The following SLC16A9 variants were observed in gnomAD, a reference collection of about 807,000 sequenced individuals.
The protein encoded by SLC16A9 is monocarboxylate transporter 9.
In SLC16A9, 26 loss-of-function variants were observed where a neutral mutation model predicts 44.3. The ratio of observed to expected loss-of-function variants is 0.59; its 90% confidence interval spans 0.43 to 0.81. The LOEUF is 0.81. Among genes scored for constraint, SLC16A9 ranks in the 40% least tolerant of loss-of-function variants. The pLI is 0.00. For synonymous variants in SLC16A9, 230 were observed against 225.1 expected (o/e 1.02, Z -0.19); for missense variants, 559 against 595.8 (o/e 0.94, Z 0.64).
chr10:59,673,170 G>A (rs1839790307), intron 2 of SLC16A9, among the ~76,000 whole-genome samples: 1 of 152,136 alleles, frequency 6.6e-6, no homozygotes, highest in South Asian at 2.1e-4. Flanking sequence ...TAGGTAAAAT[G>A]GAGGTTCTGG....
rs543072724 is a variant in SLC16A9 at position 59,696,164 on chromosome 10, G to C, written c.-36-11837C>G. On this transcript the variant is annotated intron_variant, in intron 1 of 5. Transcript: ENST00000395348. ...TCCCTCTGATGCCCAGCCGAAGCTG[G>C]ACTGTGCTGCTGCCATCTTGGCTCA... Among the ~76,000 whole-genome samples the C allele has an allele frequency of 1.8e-3, 278 of 152,200 alleles. 2 individuals are homozygous for C. Among genetic ancestry groups the C allele is most frequent in the Middle Eastern group, 0.017 (5 of 294 alleles).
intron 2 of SLC16A9, among the ~76,000 whole-genome samples, chr10:59,683,019 A>C (rs1038257235): frequency 5.3e-5 from 8 of 152,194 alleles, no homozygotes; most frequent in Non-Finnish European, 1.0e-4. Context: ...TTTGAAAGAC[A>C]TCCCCTTTAC....
chr10:59,674,065 G>A (rs1402228026), intron 2 of SLC16A9, among the ~76,000 whole-genome samples: 2 of 152,230 alleles, frequency 1.3e-5, no homozygotes, highest in East Asian at 3.9e-4. Context: ...AACTTGCGGG[G>A]TATTGCTCAT....
intron 1 of SLC16A9, among the ~76,000 whole-genome samples, chr10:59,705,998 C>A (rs1215715299): frequency 6.6e-6 from 1 of 152,176 alleles, no homozygotes; most frequent in Non-Finnish European, 1.5e-5. Flanking sequence ...TATAAACACA[C>A]TAGACTTCCT....
At chr10:59,659,356 G>A (rs1839421337) in intron 4 of SLC16A9, among the ~76,000 whole-genome samples, 1 of 152,094 alleles carries the variant, frequency 6.6e-6, no homozygotes, top group South Asian at 2.1e-4. Flanking sequence ...CCTTAGGGAT[G>A]TTAATTTTCG....
At chr10:59,690,424 T>C (rs1017636604) in intron 1 of SLC16A9, among the ~76,000 whole-genome samples, 3 of 152,084 alleles carry the variant, frequency 2.0e-5, no homozygotes, top group East Asian at 1.9e-4. Context: ...TACAAGTGGA[T>C]GGATATTAAA....
intron 1 of SLC16A9, among the ~76,000 whole-genome samples, chr10:59,691,936 C>T (rs529630259): frequency 2.0e-4 from 31 of 152,296 alleles, no homozygotes; most frequent in African/African-American, 7.0e-4. Flanking sequence ...AAGTGATTTA[C>T]AAGTATTTAA....
intron 1 of SLC16A9, among the ~76,000 whole-genome samples, chr10:59,695,241 T>C (rs1240820124): frequency 6.6e-6 from 1 of 152,118 alleles, no homozygotes; most frequent in East Asian, 1.9e-4. Context: ...TTGATGGTAG[T>C]GATGGTTGTA....
chr10:59,655,439 C>T (rs1177965253), intron 4 of SLC16A9, among the ~76,000 whole-genome samples: 6 of 152,114 alleles, frequency 3.9e-5, no homozygotes, highest in South Asian at 2.1e-4. Flanking sequence ...TAGTATATTG[C>T]AGTTTAAGGA....
chr10:59,698,196 G>C (rs1840444368), intron 1 of SLC16A9, among the ~76,000 whole-genome samples: 1 of 152,090 alleles, frequency 6.6e-6, no homozygotes, highest in Non-Finnish European at 1.5e-5. Context: ...TAAATCTTTA[G>C]TTATTTCTTA....
At chr10:59,702,356 G>T (rs72815843) in intron 1 of SLC16A9, among the ~76,000 whole-genome samples, 1 of 152,046 alleles carries the variant, frequency 6.6e-6, no homozygotes, top group African/African-American at 2.4e-5. Flanking sequence ...GATTCTTTCC[G>T]ATTCGGTTTT....
chr10:59,657,264 C>G (rs1839369615), intron 4 of SLC16A9, among the ~76,000 whole-genome samples: 1 of 152,134 alleles, frequency 6.6e-6, no homozygotes, highest in African/African-American at 2.4e-5. Context: ...CATACACAAA[C>G]CAGCAGTAGG....
Position 59,650,959 on chromosome 10 carries a change from A to C in SLC16A9, c.*1813T>G, listed in dbSNP as rs1839182982. Reference sequence around the variant, plus strand: ...GGTTTCCTGAACATAACTGGCAAAAAGGAACTTTCAACACAACAAGTAGTT... The same window carrying C: ...GGTTTCCTGAACATAACTGGCAAAACGGAACTTTCAACACAACAAGTAGTT... On this transcript the variant is annotated 3_prime_UTR_variant, in exon 6 of 6. Coordinates refer to ENST00000395348, the MANE Select transcript of SLC16A9 (RefSeq NM_194298.3). 6.6e-6 allele frequency: 1 copy of C among 151,890 alleles called. No individual in the cohort carries two copies. Among genetic ancestry groups the C allele is most frequent in the Non-Finnish European group, 1.5e-5 (1 of 67,982 alleles). 9.4% of individuals were successfully genotyped at this position (151,890 alleles called of 1,614,324 possible).
At chr10:59,658,909 T>C (rs894260558) in intron 4 of SLC16A9, among the ~76,000 whole-genome samples, 55 of 152,192 alleles carry the variant, frequency 3.6e-4, no homozygotes, top group African/African-American at 1.3e-3. Flanking sequence ...GTTTGGATCC[T>C]GTTGCCAGAA....
At chr10:59,677,175 G>C (rs1267639518) in intron 2 of SLC16A9, among the ~76,000 whole-genome samples, 1 of 151,496 alleles carries the variant, frequency 6.6e-6, no homozygotes, top group Non-Finnish European at 1.5e-5. Flanking sequence ...GTGTTCAAGA[G>C]CCAATATTAT....
chr10:59,701,425 A>G (rs560182337), intron 1 of SLC16A9, among the ~76,000 whole-genome samples: 17 of 152,276 alleles, frequency 1.1e-4, no homozygotes, highest in African/African-American at 3.9e-4. Context: ...AGATCCTTCC[A>G]TGGTTCCTCA....
chr10:59,672,609 T>A (rs1424949801), intron 3 of SLC16A9, among the ~76,000 whole-genome samples, 161 bp downstream of exon 3: 1 of 152,096 alleles, frequency 6.6e-6, no homozygotes, highest in Non-Finnish European at 1.5e-5. Context: ...CTGGGCAGGT[T>A]TTTTTCACTA....
intron 1 of SLC16A9, among the ~76,000 whole-genome samples, chr10:59,703,062 G>A (rs1165107423): frequency 6.6e-6 from 1 of 152,164 alleles, no homozygotes; most frequent in African/African-American, 2.4e-5. Context: ...TCTGAATCTT[G>A]GAACTAAATC....
intron 1 of SLC16A9, among the ~76,000 whole-genome samples, chr10:59,691,846 A>G (rs1840259892): frequency 6.6e-6 from 1 of 152,234 alleles, no homozygotes; most frequent in Non-Finnish European, 1.5e-5. Flanking sequence ...TCAGAACTGC[A>G]GGTGTGACAT....
Sources: allele counts gnomAD v4.1 joint callset (sites outside exome capture counted in the v4.1 genomes callset), GRCh38; gene constraint gnomAD v4.1.1; transcripts MANE v1.5; gene names NCBI Gene and HGNC (gene_info 2026-07-23, HGNC 2026-07-21).